The following ANKRD44 variants were observed in gnomAD, a reference collection of about 807,000 sequenced individuals.
ANKRD44 encodes ankyrin repeat domain 44, also known as serine/threonine-protein phosphatase 6 regulatory ankyrin repeat subunit B.
Under a neutral mutation model 116.0 loss-of-function variants are expected in ANKRD44, and 35 were observed. The ratio of observed to expected loss-of-function variants is 0.30; its 90% CI spans 0.23 to 0.40. ANKRD44 has a LOEUF of 0.40. Among genes scored for constraint, ANKRD44 ranks in the 10% least tolerant of loss-of-function variants. The pLI, the probability that ANKRD44 is intolerant of heterozygous loss-of-function variation, is 1.00. For synonymous variants in ANKRD44, 435 were observed against 461.8 expected, an observed-to-expected ratio of 0.94 and a Z score of 0.74; for missense variants, 1,014 against 1,242.6, an observed-to-expected ratio of 0.82 and a Z score of 2.77.
chr2:197,101,291 T>C (rs2078287711), intron 9 of ANKRD44, among the ~76,000 whole-genome samples: 1 of 152,194 alleles, frequency 6.6e-6, no homozygotes, highest in African/African-American at 2.4e-5. Flanking sequence ...ACGAGTTGTG[T>C]TGGACGCTCT....
At chr2:197,065,395 G>A (rs866891375) in intron 16 of ANKRD44, among the ~76,000 whole-genome samples, 1 of 152,112 alleles carries the variant, frequency 6.6e-6, no homozygotes, top group African/African-American at 2.4e-5. Context: ...AAGAACTAGA[G>A]AAGCAAGAGC....
chr2:197,265,970 G>A (rs11678743), intron 1 of ANKRD44, among the ~76,000 whole-genome samples: 2,087 of 152,204 alleles, frequency 0.014, 17 homozygotes, highest in Non-Finnish European at 0.02. Context: ...TAAAGCATAT[G>A]ACATAGCCCT....
chr2:197,026,466 G>T (rs2076597398), intron 16 of ANKRD44, among the ~76,000 whole-genome samples: 1 of 152,188 alleles, frequency 6.6e-6, no homozygotes, highest in Non-Finnish European at 1.5e-5. Context: ...ATATCTTGGA[G>T]AAGAGCATTC....
At chr2:197,161,175 C>T (rs1233752652) in intron 2 of ANKRD44, among the ~76,000 whole-genome samples, 1 of 152,144 alleles carries the variant, frequency 6.6e-6, no homozygotes, top group East Asian at 1.9e-4. Context: ...CCCTTCATTA[C>T]AGATTGACAC....
At chr2:197,235,923 C>A (rs1256002888) in intron 1 of ANKRD44, among the ~76,000 whole-genome samples, 1 of 152,150 alleles carries the variant, frequency 6.6e-6, no homozygotes, top group South Asian at 2.1e-4. Flanking sequence ...GCGGTGAGGG[C>A]TTGAAGTGCA....
intron 1 of ANKRD44, among the ~76,000 whole-genome samples, chr2:197,260,199 G>T (rs977171527): frequency 1.3e-5 from 2 of 151,432 alleles, no homozygotes; most frequent in African/African-American, 4.8e-5. Context: ...TCGTCATTTA[G>T]CATTAGGTAT....
intron 1 of ANKRD44, among the ~76,000 whole-genome samples, chr2:197,306,735 A>G (rs1365741616): frequency 6.6e-6 from 1 of 152,202 alleles, no homozygotes; most frequent in African/African-American, 2.4e-5. Flanking sequence ...CCAAAGTTAC[A>G]CAGGATTTCT....
At chr2:197,269,254 A>C (rs997451640) in intron 1 of ANKRD44, among the ~76,000 whole-genome samples, 10 of 152,168 alleles carry the variant, frequency 6.6e-5, no homozygotes, top group African/African-American at 2.4e-4. Flanking sequence ...GCCTTTTATA[A>C]ATAAGCAATA....
chr2:197,025,273 G>C lies in ANKRD44; in HGVS notation c.1651-6C>G. 6.2e-7 allele frequency: 1 copy of C among 1,608,472 alleles called. No individual in the cohort carries two copies. The highest frequency in any genetic ancestry group is 8.5e-7 in the Non-Finnish European group (1 of 1,175,540). ...CTGTTTGTTCTTTCCAAAAGCTGTG[G>C]AGACAAAAAGCAAACAATAGTACGT... On this transcript the variant is annotated splice_region_variant and splice_polypyrimidine_tract_variant and intron_variant, in intron 16 of 27. Coordinates refer to ENST00000282272, the MANE Select transcript of ANKRD44 (RefSeq NM_001195144.2).
intron 17 of ANKRD44, chr2:197,015,864 C>G (rs1174912303): frequency 3.9e-6 from 2 of 516,444 alleles, no homozygotes; most frequent in African/African-American, 2.0e-5. Flanking sequence ...GTGGTGGGAA[C>G]AATAATGATT....
chr2:197,010,858 T>C (rs1335252696), intron 18 of ANKRD44, among the ~76,000 whole-genome samples: 2 of 152,248 alleles, frequency 1.3e-5, no homozygotes, highest in Admixed American at 6.5e-5. Flanking sequence ...GACCTTTTAT[T>C]TGCTTGCCAG....
At chr2:197,290,486 C>G (rs910893199) in intron 1 of ANKRD44, among the ~76,000 whole-genome samples, 39 of 152,000 alleles carry the variant, frequency 2.6e-4, no homozygotes, top group Non-Finnish European at 4.9e-4. Flanking sequence ...AAGAAAAGAC[C>G]AGTTGAAAAC....
chr2:197,149,382 A>G (rs2079583482), intron 2 of ANKRD44, among the ~76,000 whole-genome samples: 1 of 152,182 alleles, frequency 6.6e-6, no homozygotes, highest in African/African-American at 2.4e-5. Context: ...GGTTTTGCTG[A>G]TTCTGTGGCC....
intron 1 of ANKRD44, among the ~76,000 whole-genome samples, chr2:197,189,497 C>G (rs574380690): frequency 1.3e-5 from 2 of 152,190 alleles, no homozygotes; most frequent in Non-Finnish European, 2.9e-5. Context: ...AGTCTCCGTT[C>G]GGGTTACATC....
chr2:196,996,900 C>A, intron 25 of ANKRD44, among the ~76,000 whole-genome samples: 1 of 55,426 alleles, frequency 1.8e-5, no homozygotes, highest in African/African-American at 7.0e-5. Context: ...AAGACTCTGC[C>A]TCAAAAAAAA....
intron 2 of ANKRD44, among the ~76,000 whole-genome samples, chr2:197,181,797 C>T (rs1186304394): frequency 6.6e-6 from 1 of 152,208 alleles, no homozygotes; most frequent in African/African-American, 2.4e-5. Context: ...TTTGAGCTAA[C>T]ATCTTATTTT....
At chr2:197,204,353 A>G (rs1301002025) in intron 1 of ANKRD44, among the ~76,000 whole-genome samples, 5 of 152,278 alleles carry the variant, frequency 3.3e-5, no homozygotes, top group Middle Eastern at 6.8e-3. Flanking sequence ...TTTCTATAAT[A>G]TTATGTTTAT....
At chr2:197,236,738 A>AAAGG (rs982763985) in intron 1 of ANKRD44, among the ~76,000 whole-genome samples, 2 of 152,018 alleles carry the variant, frequency 1.3e-5, no homozygotes, top group East Asian at 1.9e-4. Context: ...AGAATAAAAG[A>AAAGG]AAGGAAGGAA....
intron 6 of ANKRD44, among the ~76,000 whole-genome samples, chr2:197,124,234 G>C (rs1257112860): frequency 1.3e-5 from 2 of 151,950 alleles, no homozygotes; most frequent in Non-Finnish European, 2.9e-5. Flanking sequence ...GATTCACTCA[G>C]ACCCACCTTT....
Sources: allele counts gnomAD v4.1 joint callset (sites outside exome capture counted in the v4.1 genomes callset), GRCh38; gene constraint gnomAD v4.1.1; transcripts MANE v1.5; gene names NCBI Gene and HGNC (gene_info 2026-07-23, HGNC 2026-07-21).